Variants in ANO10 observed in about 807,000 individuals in gnomAD.
ANO10 encodes anoctamin 10.
ANO10 carries 77 observed loss-of-function variants against 74.7 expected under a neutral mutation model. The ratio of observed to expected loss-of-function variants is 1.03; its 90% CI spans 0.86 to 1.25. The LOEUF (loss-of-function observed/expected upper bound fraction) is 1.25. Among genes scored for constraint, ANO10 ranks in the 50% most tolerant of loss-of-function variants. ANO10 has a pLI of 0.00. For missense variants in ANO10, 721 were observed against 778.1 expected (o/e 0.93, Z 0.87); for synonymous variants, 279 against 284.9 (o/e 0.98, Z 0.21).
chr3:43,390,688 G>A (rs1365635130), intron 12 of ANO10, among the ~76,000 whole-genome samples: 1 of 152,196 alleles, frequency 6.6e-6, no homozygotes, highest in Non-Finnish European at 1.5e-5. Context: ...GACTTATGGG[G>A]AGGACTTATG....
intron 11 of ANO10, among the ~76,000 whole-genome samples, chr3:43,487,686 C>T (rs1444760842): frequency 1.3e-5 from 2 of 152,068 alleles, no homozygotes; most frequent in Non-Finnish European, 2.9e-5. Context: ...CTATTAGATT[C>T]TTCTCTCTTT....
At chr3:43,421,190 T>C (rs2092815201) in intron 12 of ANO10, among the ~76,000 whole-genome samples, 1 of 151,664 alleles carries the variant, frequency 6.6e-6, no homozygotes, top group Non-Finnish European at 1.5e-5. Flanking sequence ...GCCACCACAC[T>C]CCAGGGTAGA....
chr3:43,534,076 G>C (rs1284483070), intron 11 of ANO10, among the ~76,000 whole-genome samples: 1 of 152,094 alleles, frequency 6.6e-6, no homozygotes, highest in Non-Finnish European at 1.5e-5. Flanking sequence ...AGACAGGAGA[G>C]GGTTCTTATC....
chr3:43,589,610 T>C (rs2081634331), intron 4 of ANO10, among the ~76,000 whole-genome samples: 1 of 152,022 alleles, frequency 6.6e-6, no homozygotes, highest in African/African-American at 2.4e-5. Flanking sequence ...CAAGACTCTG[T>C]CTCAAATAAA....
At chr3:43,372,716 G>A (rs1286147193) in intron 12 of ANO10, 2 of 795,102 alleles carry the variant, frequency 2.5e-6, no homozygotes, top group Non-Finnish European at 4.1e-6. Context: ...TGTCTTAAAT[G>A]TTCTATCCTA....
chr3:43,443,678 T>TC lies in ANO10; in HGVS notation c.1798-10952dup, dbSNP rs1553664509. On this transcript the variant is annotated intron_variant, in intron 11 of 12. Coordinates refer to ENST00000292246, the MANE Select transcript of ANO10 (RefSeq NM_018075.5). Reference sequence around the variant, plus strand: ...ATGAAAAGTATTTTACTTCCTTCCTTCTTTTTTTTTTTTTTTTTTTTGACG... The same window carrying TC: ...ATGAAAAGTATTTTACTTCCTTCCTTCCTTTTTTTTTTTTTTTTTTTTGACG... 1.7e-4 allele frequency among the ~76,000 whole-genome samples: 12 copies of TC among 69,050 alleles called. 2 individuals carry two copies. Among genetic ancestry groups the TC allele is most frequent in the Admixed American group, 3.4e-4 (2 of 5,922 alleles). The allele number at this position is 69,050 out of a possible 152,430, so 45.3% of individuals were successfully genotyped here.
chr3:43,603,289 C>G (rs1236053752), intron 2 of ANO10, among the ~76,000 whole-genome samples: 1 of 152,296 alleles, frequency 6.6e-6, no homozygotes, highest in Middle Eastern at 3.4e-3. Flanking sequence ...TCACACCTCA[C>G]TTTTCTTTGT....
intron 12 of ANO10, among the ~76,000 whole-genome samples, chr3:43,422,992 T>C (rs1184883571): frequency 6.6e-6 from 1 of 152,218 alleles, no homozygotes; most frequent in Non-Finnish European, 1.5e-5. Flanking sequence ...ATTAGTTTTC[T>C]AGCTAACAAG....
At chr3:43,393,529 C>T (rs907194533) in intron 12 of ANO10, among the ~76,000 whole-genome samples, 16 of 152,252 alleles carry the variant, frequency 1.1e-4, no homozygotes, top group East Asian at 7.7e-4. Context: ...CAAGCCCCTT[C>T]GGTGGCTTCC....
chr3:43,416,342 A>C (rs2092738737), intron 12 of ANO10, among the ~76,000 whole-genome samples: 1 of 152,226 alleles, frequency 6.6e-6, no homozygotes, highest in African/African-American at 2.4e-5. Flanking sequence ...TGGGAGAGAG[A>C]TCAAACGTTT....
chr3:43,385,495 T>C (rs543325498), intron 12 of ANO10, among the ~76,000 whole-genome samples: 15 of 152,280 alleles, frequency 9.9e-5, no homozygotes, highest in Non-Finnish European at 1.9e-4. Context: ...ACTGCATAAA[T>C]ATGGAACCAG....
At chr3:43,600,689 T>C (rs1234072441) in intron 2 of ANO10, 108 bp from the exon 3 acceptor site, 1 of 932,494 alleles carries the variant, frequency 1.1e-6, no homozygotes, top group African/African-American at 1.7e-5. Flanking sequence ...AAAAAGAAAT[T>C]ATATTAGCAA....
chr3:43,543,427 T>C lies in ANO10; in HGVS notation c.1797+6293A>G, dbSNP rs142253351. On this transcript the variant is annotated intron_variant, in intron 11 of 12. Transcript: ENST00000292246. The stretch of plus-strand genomic sequence containing the variant: ...TTTTTTGAGACGGAGTCTCGCTCTG[T>C]CACCCAGGCTGGAGTGCAGTGGCCG... 4.7e-3 allele frequency among the ~76,000 whole-genome samples: 717 copies of C among 152,364 alleles called. 5 individuals carry two copies. The highest frequency in any genetic ancestry group is 0.017 in the African/African-American group (689 of 41,588).
intron 10 of ANO10, among the ~76,000 whole-genome samples, chr3:43,553,914 A>G (rs1187227668): frequency 1.3e-5 from 2 of 152,086 alleles, no homozygotes; most frequent in African/African-American, 2.4e-5. Context: ...TCATTCAGTG[A>G]GCTTTTTATT....
At chr3:43,485,161 G>A (rs1014661140) in intron 11 of ANO10, 7 of 737,142 alleles carry the variant, frequency 9.5e-6, no homozygotes, top group Middle Eastern at 7.4e-4. Context: ...GCCCTGGCGC[G>A]GTAGCACTGG....
chr3:43,539,787 G>C (rs1182758524), intron 11 of ANO10, among the ~76,000 whole-genome samples: 1 of 152,164 alleles, frequency 6.6e-6, no homozygotes, highest in Non-Finnish European at 1.5e-5. Flanking sequence ...GTACAGAGAA[G>C]CTGTTGAATT....
chr3:43,372,439 C>T (rs1001723865), intron 12 of ANO10, among the ~76,000 whole-genome samples: 2 of 152,224 alleles, frequency 1.3e-5, no homozygotes, highest in Non-Finnish European at 1.5e-5. Flanking sequence ...CTGGGGACTA[C>T]AGTTCACCCC....
rs936389946 is a variant in ANO10 at position 43,490,143 on chromosome 3, T to G, written c.1798-57416A>C. 4.7e-4 allele frequency among the ~76,000 whole-genome samples: 71 copies of G among 152,176 alleles called. 1 individual carries two copies. The highest frequency in any genetic ancestry group is 1.2e-4 in the Non-Finnish European group (8 of 68,032). On this transcript the variant is annotated intron_variant, in intron 11 of 12. Transcript: ENST00000292246. ...TCAGAGAAGGCTTACGTAAAGTCAC[T>G]CAGCTTATAGGAGACAGGGCTACAG...
intron 12 of ANO10, among the ~76,000 whole-genome samples, chr3:43,390,593 A>C (rs1251269033): frequency 6.6e-6 from 1 of 152,212 alleles, no homozygotes; most frequent in East Asian, 1.9e-4. Context: ...CCATGAGCAG[A>C]GGACCCAGTG....
Sources: gnomAD v4.1 joint callset for allele counts (sites outside exome capture counted in the v4.1 genomes callset) on GRCh38, gnomAD v4.1.1 for gene constraint, MANE v1.5 for transcripts, NCBI Gene and HGNC (gene_info 2026-07-23, HGNC 2026-07-21) for gene names.